Variants in AGPAT4 observed in about 807,000 individuals in gnomAD.
AGPAT4 encodes 1-acyl-sn-glycerol-3-phosphate acyltransferase delta.
In AGPAT4, 15 loss-of-function variants were observed where a neutral mutation model predicts 48.0. That is an observed-to-expected ratio of 0.31 (90% CI 0.21 to 0.48). AGPAT4 has a LOEUF of 0.48. AGPAT4 is among the 20% of genes least tolerant of loss of function. The probability of loss-of-function intolerance (pLI) is 0.99; values close to 1 mark genes in which losing one functional copy is unlikely to be tolerated. For synonymous variants in AGPAT4, 178 were observed against 198.7 expected (o/e 0.90, Z 0.88); for missense variants, 314 against 482.5 (o/e 0.65, Z 3.27).
At position 161,154,186 on chromosome 6, in the gene AGPAT4, C is replaced by T. The variant is rs759818394; in HGVS notation, c.473G>A (p.Ser158Asn). The T allele has an allele frequency of 2.5e-6, 4 of 1,614,198 alleles. No individual in the cohort carries two copies. In the South Asian group the frequency reaches 4.4e-5, roughly 18 times the overall value. ...WEQDRKTVATSLQHLRDYPEK... is the reference protein window; with the variant it reads ...WEQDRKTVATNLQHLRDYPEK... ...GGGGTAGTCCCGGAGGTGCTGCAAA[C>T]TGGTGGCAACCGTCTTGCGATCCTG... The change falls in exon 4 of 9, where the codon AGT becomes AAT. Residue 158 changes from serine to asparagine, a missense_variant. Physicochemically the swap from Ser to Asn is conservative, Grantham distance 46 (BLOSUM62 1). Coordinates refer to ENST00000320285, the MANE Select transcript of AGPAT4 (RefSeq NM_020133.3). The surrounding 1 kb of genome is among the most constrained non-coding windows in gnomAD (Gnocchi z 7.8).
intron 1 of AGPAT4, among the ~76,000 whole-genome samples, chr6:161,265,340 T>G (rs1582921525): frequency 9.6e-6 from 1 of 104,478 alleles, no homozygotes. Context: ...CTGGACTGGG[T>G]GCTGATTAGT....
chr6:161,161,201 T>C lies in AGPAT4; in HGVS notation c.348+5047A>G, dbSNP rs1779922299. On this transcript the variant is annotated intron_variant, in intron 3 of 8. Transcript: ENST00000320285. This position sits in a 1 kb window ranked among gnomAD's most constrained non-coding sequence, Gnocchi z 4.6. ...TAAAGACACTGCCAGAGGATCCTGG[T>C]CAACAAAGAAGAAGACCCCGGTGTG... is the stretch of plus-strand genomic sequence containing the variant. The C allele has an allele frequency of 2.2e-6, 1 of 456,498 alleles. No homozygotes were observed. Among genetic ancestry groups the C allele is most frequent in the Middle Eastern group, 3.2e-4 (1 of 3,098 alleles). The allele number at this position is 456,498 out of a possible 1,614,324, so 28.3% of individuals were successfully genotyped here.
rs1412856477 is a variant in AGPAT4 at position 161,167,142 on chromosome 6, T to C, written c.179-725A>G. On this transcript the variant is annotated intron_variant, in intron 2 of 8. Coordinates refer to ENST00000320285, the MANE Select transcript of AGPAT4 (RefSeq NM_020133.3). ...GAAACTGTCCAGAAAAACAGTTGAA[T>C]GTGGGTGATGGACTTTGAAATGGAC... 3.3e-5 allele frequency among the ~76,000 whole-genome samples: 5 copies of C among 152,178 alleles called. No homozygotes were observed. In the South Asian group the frequency reaches 6.2e-4, roughly 19 times the overall value.
rs1357704653 is a variant in AGPAT4 at position 161,261,838 on chromosome 6, T to C, written c.-90+12100A>G. Among the ~76,000 whole-genome samples the C allele has an allele frequency of 6.6e-6, 1 of 152,114 alleles. No homozygotes were observed. Among genetic ancestry groups the C allele is most frequent in the Non-Finnish European group, 1.5e-5 (1 of 68,020 alleles). ...AGCACAGAGCTGTGAATGCTGCATA[T>C]CCAAAGAGGCTGGAGAGTGAACAGG... On this transcript the variant is annotated intron_variant, in intron 1 of 8. Coordinates refer to ENST00000320285, the MANE Select transcript of AGPAT4 (RefSeq NM_020133.3). The surrounding 1 kb of genome is among the most constrained non-coding windows in gnomAD (Gnocchi z 5.3).
chr6:161,158,677 A>T lies in AGPAT4; in HGVS notation c.349-4367T>A, dbSNP rs1480278458. ...AGAGCTGACGCAGAGAGGGCCTGAG[A>T]CCCAGTACTCTGACCCTGACCTTCA... On this transcript the variant is annotated intron_variant, in intron 3 of 8. Transcript: ENST00000320285. The surrounding 1 kb of genome is among the most constrained non-coding windows in gnomAD (Gnocchi z 5.3). Among the ~76,000 whole-genome samples the T allele has an allele frequency of 6.6e-6, 1 of 152,162 alleles. No individual in the cohort carries two copies. The highest frequency in any genetic ancestry group is 1.5e-5 in the Non-Finnish European group (1 of 68,026).
intron 2 of AGPAT4, among the ~76,000 whole-genome samples, chr6:161,173,045 G>A (rs552731659): frequency 2.0e-5 from 3 of 152,244 alleles, no homozygotes; most frequent in Non-Finnish European, 4.4e-5. Flanking sequence ...GTCTATCATT[G>A]ATGGACATTT....
In AGPAT4 at chr6:161,234,439, G is replaced by T. The variant is rs1782212202; in HGVS notation, c.-89-2137C>A. ...ATCATCACATCTCTGGCCTTTCGCA[G>T]ACGGCATTTCCACAGATATTTCCAG... On this transcript the variant is annotated intron_variant, in intron 1 of 8. Coordinates refer to ENST00000320285, the MANE Select transcript of AGPAT4 (RefSeq NM_020133.3). This position sits in a 1 kb window ranked among gnomAD's most constrained non-coding sequence, Gnocchi z 4.4. Among the ~76,000 whole-genome samples, 1 of 152,110 alleles carries T rather than the reference G, an allele frequency of 6.6e-6. No individual in the cohort carries two copies. Among genetic ancestry groups the T allele is most frequent in the Non-Finnish European group, 1.5e-5 (1 of 68,038 alleles).
At position 161,141,997 on chromosome 6, in the gene AGPAT4, G is replaced by A. The variant is rs548377436; in HGVS notation, c.844-2377C>T. 2.4e-4 allele frequency among the ~76,000 whole-genome samples: 37 copies of A among 152,254 alleles called. 1 individual carries two copies. The South Asian group carries it at 7.5e-3, about 31-fold the overall frequency. ...CCCACCTCAGCCTCCTGAGTACCTG[G>A]GATTACAGGCACCTGCCATCATGCC... On this transcript the variant is annotated intron_variant, in intron 7 of 8. Transcript: ENST00000320285. The surrounding 1 kb of genome is among the most constrained non-coding windows in gnomAD (Gnocchi z 6.7).
Position 161,133,223 on chromosome 6 carries a change from G to C in AGPAT4, c.*3317C>G, listed in dbSNP as rs566238250. The C allele has an allele frequency of 6.6e-6, 1 of 152,204 alleles. No homozygotes were observed. Among genetic ancestry groups the C allele is most frequent in the Non-Finnish European group, 1.5e-5 (1 of 68,040 alleles). The allele number at this position is 152,204 out of a possible 1,614,324, so 9.4% of individuals were successfully genotyped here. A position where few individuals can be genotyped will look rare whatever the true frequency, so the allele number is the denominator to read the frequency against. On this transcript the variant is annotated 3_prime_UTR_variant, in exon 9 of 9. Coordinates refer to ENST00000320285, the MANE Select transcript of AGPAT4 (RefSeq NM_020133.3). The stretch of plus-strand genomic sequence containing the variant: ...CAGACCACTCCTCCACTCCAGTGGG[G>C]CCTTTTTTGTGTCTTTCACATCACT...
At chr6:161,187,684 G>T in intron 2 of AGPAT4, among the ~76,000 whole-genome samples, 1 of 151,994 alleles carries the variant, frequency 6.6e-6, no homozygotes, top group East Asian at 1.9e-4. Flanking sequence ...GGGATTACAG[G>T]TGTCCACCAC....
rs1308894816 is a variant in AGPAT4 at position 161,137,074 on chromosome 6, G to A, written c.1043-440C>T. On this transcript the variant is annotated intron_variant, in intron 8 of 8. Transcript: ENST00000320285. This position sits in a 1 kb window ranked among gnomAD's most constrained non-coding sequence, Gnocchi z 6.1. ...AGCTCGAGTATCGAGTGCCCAACACGTTTCAGCACTGCTTTTGGTGCAAGC... is the reference window on the plus strand; with the variant it reads ...AGCTCGAGTATCGAGTGCCCAACACATTTCAGCACTGCTTTTGGTGCAAGC... Among the ~76,000 whole-genome samples the A allele has an allele frequency of 1.3e-5, 2 of 152,196 alleles. No homozygotes were observed. The highest frequency in any genetic ancestry group is 2.4e-5 in the African/African-American group (1 of 41,440).
intron 3 of AGPAT4, among the ~76,000 whole-genome samples, chr6:161,162,295 G>A (rs1187024488): frequency 3.3e-5 from 5 of 152,238 alleles, no homozygotes; most frequent in Non-Finnish European, 4.4e-5. Flanking sequence ...GGGCACGGGC[G>A]GTGCTTACTG....
At chr6:161,160,515 C>T (rs546888264) in intron 3 of AGPAT4, 88 of 173,110 alleles carry the variant, frequency 5.1e-4, no homozygotes, top group Middle Eastern at 2.9e-3. Flanking sequence ...GGACAGAGTA[C>T]GCGGGGTTCT....
intron 2 of AGPAT4, among the ~76,000 whole-genome samples, chr6:161,172,169 A>G (rs1019135548): frequency 1.3e-5 from 2 of 152,242 alleles, no homozygotes; most frequent in African/African-American, 4.8e-5. Context: ...GGAAGGACTT[A>G]TGACCTCCTA....
At position 161,231,766 on chromosome 6, in the gene AGPAT4, T is replaced by C. The variant is rs1416088583; in HGVS notation, c.178+270A>G. On this transcript the variant is annotated intron_variant, in intron 2 of 8. Transcript: ENST00000320285. The surrounding 1 kb of genome is among the most constrained non-coding windows in gnomAD (Gnocchi z 5.3). The stretch of plus-strand genomic sequence containing the variant: ...AGAAATCATTAATACTGATTGGTTC[T>C]GAGGAGAACTAAAGAAACTAATGGA... Among the ~76,000 whole-genome samples the C allele has an allele frequency of 3.3e-5, 5 of 152,212 alleles. No homozygotes were observed. Among genetic ancestry groups the C allele is most frequent in the Non-Finnish European group, 7.3e-5 (5 of 68,046 alleles).
In AGPAT4 at chr6:161,134,957, T is replaced by G. The variant is rs1779018100; in HGVS notation, c.*1583A>C. On this transcript the variant is annotated 3_prime_UTR_variant, in exon 9 of 9. Coordinates refer to ENST00000320285, the MANE Select transcript of AGPAT4 (RefSeq NM_020133.3). ...CTCTTCCCACAAGTCAGCCAGGATT[T>G]TTTCCCTTTTTCACTTCTGTGGATT... 1 of 152,006 alleles carries G rather than the reference T, an allele frequency of 6.6e-6. No individual in the cohort carries two copies. Among genetic ancestry groups the G allele is most frequent in the East Asian group, 1.9e-4 (1 of 5,140 alleles). 9.4% of individuals were successfully genotyped at this position (152,006 alleles called of 1,614,324 possible).
rs1470277254 is a variant in AGPAT4 at position 161,146,291 on chromosome 6, T to C, written c.843+233A>G. Among the ~76,000 whole-genome samples the C allele has an allele frequency of 1.3e-5, 2 of 150,950 alleles. No individual in the cohort carries two copies. Among genetic ancestry groups the C allele is most frequent in the African/African-American group, 2.5e-5 (1 of 40,288 alleles). ...GAGCAGGGGCGATTGGGGCCATTACTTCTCCCTTGGTCCACTACACCTAGA... is the reference window on the plus strand; with the variant it reads ...GAGCAGGGGCGATTGGGGCCATTACCTCTCCCTTGGTCCACTACACCTAGA... On this transcript the variant is annotated intron_variant, in intron 7 of 8. Transcript: ENST00000320285. The surrounding 1 kb of genome is among the most constrained non-coding windows in gnomAD (Gnocchi z 7.1).
intron 2 of AGPAT4, among the ~76,000 whole-genome samples, chr6:161,182,859 G>C (rs1017525300): frequency 8.5e-5 from 13 of 152,342 alleles, no homozygotes. Flanking sequence ...GCACATGGAC[G>C]CGGAGTGGAC....
chr6:161,194,772 C>T (rs1302651681), intron 2 of AGPAT4, among the ~76,000 whole-genome samples: 5 of 152,244 alleles, frequency 3.3e-5, no homozygotes, highest in African/African-American at 1.2e-4. Flanking sequence ...CTCGACAAGG[C>T]TGTTTCTTGA....
Sources: gnomAD v4.1 joint callset for allele counts (sites outside exome capture counted in the v4.1 genomes callset) on GRCh38, gnomAD v4.1.1 for gene constraint, Gnocchi (gnomAD v3.1) non-coding constraint, MANE v1.5 for transcripts, NCBI Gene and HGNC (gene_info 2026-07-23, HGNC 2026-07-21) for gene names.